AQP3: variants seen among roughly 807,000 people sequenced by gnomAD.
The protein encoded by AQP3 is aquaporin-3.
A neutral mutation model predicts 30.3 loss-of-function variants in AQP3; 15 were observed. That is an observed-to-expected ratio of 0.49 (90% CI 0.33 to 0.76). AQP3 has a LOEUF of 0.76. AQP3 is among the 30% of genes least tolerant of loss of function. AQP3 has a pLI of 0.02. For missense variants in AQP3, 272 were observed against 384.8 expected (o/e 0.71, Z 2.45); for synonymous variants, 153 against 163.2 (o/e 0.94, Z 0.47).
At chr9:33,444,360 T>G (rs1159107451) in intron 1 of AQP3, among the ~76,000 whole-genome samples, 2 of 151,854 alleles carry the variant, frequency 1.3e-5, no homozygotes, top group Non-Finnish European at 2.9e-5. Context: ...AGCACTTTGG[T>G]AGGCCGAGGT....
chr9:33,444,734 C>A (rs1382870470), intron 1 of AQP3, among the ~76,000 whole-genome samples: 1 of 152,016 alleles, frequency 6.6e-6, no homozygotes, highest in African/African-American at 2.4e-5. Context: ...GATGCCAGAG[C>A]CCCAGCCTTC....
intron 1 of AQP3, among the ~76,000 whole-genome samples, chr9:33,445,106 G>C (rs1393185762): frequency 6.6e-6 from 1 of 152,146 alleles, no homozygotes; most frequent in Non-Finnish European, 1.5e-5. Flanking sequence ...AGAACAGCCT[G>C]GGCAACATAG....
chr9:33,447,519 C>G lies in AQP3; in HGVS notation c.12G>C (p.Gln4His). MGR[Q>H]KELVSRCGEM... ...CCCCGCAGCGGGACACCAGCTCCTT[C>G]TGTCGACCCATGGCGGGGCAGGCGG... Residue 4 changes from glutamine to histidine, a missense_variant, in exon 1 of 6, where the codon CAG becomes CAC. Physicochemically the swap from Gln to His is conservative, Grantham distance 24. Coordinates refer to ENST00000297991, the MANE Select transcript of AQP3 (RefSeq NM_004925.5). 1 of 1,606,538 alleles carries G rather than the reference C, an allele frequency of 6.2e-7. No individual in the cohort carries two copies. The highest frequency in any genetic ancestry group is 8.5e-7 in the Non-Finnish European group (1 of 1,176,690).
chr9:33,444,033 T>G (rs942473537), intron 1 of AQP3, 141 bp from the exon 2 acceptor site: 2 of 1,074,266 alleles, frequency 1.9e-6, no homozygotes, highest in African/African-American at 1.6e-5. Context: ...AAACCCCTTC[T>G]GCTGTAATTG....
At chr9:33,445,715 C>G (rs968964616) in intron 1 of AQP3, among the ~76,000 whole-genome samples, 3 of 152,136 alleles carry the variant, frequency 2.0e-5, no homozygotes, top group African/African-American at 7.2e-5. Flanking sequence ...TCTCGGCCAG[C>G]ACCGCCCCCT....
At chr9:33,444,795 C>T (rs1278938084) in intron 1 of AQP3, among the ~76,000 whole-genome samples, 1 of 151,998 alleles carries the variant, frequency 6.6e-6, no homozygotes, top group Non-Finnish European at 1.5e-5. Flanking sequence ...CCTGTCCCAG[C>T]GTCTCCTCTC....
Position 33,443,407 on chromosome 9 carries a change from TCACGAGCCAGGAAG to T in AQP3, c.273_286del (p.Cys91Ter), listed in dbSNP as rs1326155172. 6.2e-7 allele frequency: 1 copy of T among 1,609,110 alleles called. No individual in the cohort carries two copies. Among genetic ancestry groups the T allele is most frequent in the Non-Finnish European group, 8.5e-7 (1 of 1,178,042 alleles). On this transcript the variant is annotated stop_gained and frameshift_variant, in exon 3 of 6. Transcript: ENST00000297991. LOFTEE classifies it high-confidence loss of function. This position sits in a 1 kb window ranked among gnomAD's most constrained non-coding sequence, Gnocchi z 5.0. ...GTAGATGGGCAGCTTGATCCAGGGC[TCACGAGCCAGGAAG>T]CACATGGCAAAGGTCACGGCAGGGT...
chr9:33,444,687 C>T (rs906424226), intron 1 of AQP3, among the ~76,000 whole-genome samples: 8 of 152,084 alleles, frequency 5.3e-5, no homozygotes, highest in African/African-American at 1.2e-4. Context: ...AGGGAGGAGA[C>T]CAGAAGTGAG....
Position 33,442,165 on chromosome 9 carries a change from C to T in AQP3, c.757G>A (p.Gly253Ser). Residue 253 changes from glycine (G) to serine (S), a missense_variant, in exon 6 of 6, where the codon GGC (glycine) becomes AGC (serine). Coordinates refer to ENST00000297991, the MANE Select transcript of AQP3 (RefSeq NM_004925.5). ...WWVPIVSPLLGSIAGVFVYQL... is the reference protein window; with the variant it reads ...WWVPIVSPLLSSIAGVFVYQL... ...TACACGAAGACACCCGCAATGGAGC[C>T]CAGGAGTGGGGACACGATGGGCACC... is the stretch of plus-strand genomic sequence containing the variant. 1 of 1,613,306 alleles carries T rather than the reference C, an allele frequency of 6.2e-7. No homozygotes were observed. Among genetic ancestry groups the T allele is most frequent in the Non-Finnish European group, 8.5e-7 (1 of 1,179,994 alleles).
In AQP3 at chr9:33,441,774, C is replaced by T. The variant is rs1005899521; in HGVS notation, c.*269G>A. On this transcript the variant is annotated 3_prime_UTR_variant, in exon 6 of 6. Coordinates refer to ENST00000297991, the MANE Select transcript of AQP3 (RefSeq NM_004925.5). ...GCACACACATGCACACACACACATA[C>T]CTGCTGCCCATTCTCTTCCCTTGGG... The T allele has an allele frequency of 1.2e-5, 7 of 594,878 alleles. No homozygotes were observed. Among genetic ancestry groups the T allele is most frequent in the Non-Finnish European group, 2.1e-5 (7 of 334,652 alleles). 36.8% of individuals were successfully genotyped at this position (594,878 alleles called of 1,614,324 possible). A position where few individuals can be genotyped will look rare whatever the true frequency, so the allele number is the denominator to read the frequency against.
intron 4 of AQP3, 70 bp from the exon 5 acceptor site, chr9:33,442,588 T>A (rs889170803): frequency 6.9e-7 from 1 of 1,452,962 alleles, no homozygotes; most frequent in African/African-American, 1.4e-5. Flanking sequence ...CCATCCCCCG[T>A]CTTCCCTCTA....
chr9:33,441,883 G>A lies in AQP3; in HGVS notation c.*160C>T. 1 of 1,229,602 alleles carries A rather than the reference G, an allele frequency of 8.1e-7. No homozygotes were observed. Among genetic ancestry groups the A allele is most frequent in the Non-Finnish European group, 1.1e-6 (1 of 881,796 alleles). 76.2% of individuals were successfully genotyped at this position (1,229,602 alleles called of 1,614,324 possible). ...TAAGGTGCTATTTGGGCAAGGTCCA[G>A]TGGAAATCCTGAAGGGGCTGTCTCG... On this transcript the variant is annotated 3_prime_UTR_variant, in exon 6 of 6. Transcript: ENST00000297991.
rs773138320 is a variant in AQP3 at position 33,441,712 on chromosome 9, C to CG, written c.*330_*331insC. 5.8e-6 allele frequency: 2 copies of CG among 346,812 alleles called. No individual in the cohort carries two copies. The highest frequency in any genetic ancestry group is 9.4e-6 in the Non-Finnish European group (2 of 213,474). The allele number at this position is 346,812 out of a possible 1,614,324, so 21.5% of individuals were successfully genotyped here. On this transcript the variant is annotated 3_prime_UTR_variant, in exon 6 of 6. Transcript: ENST00000297991. ...GCCCTGAATATCTGGGAACCCCCCC[C>CG]ACACACACACACCCCTGCACACACA... is the stretch of plus-strand genomic sequence containing the variant.
rs1394495007 is a variant in AQP3 at position 33,441,445 on chromosome 9, C to T, written c.*598G>A. ...CAGAGCTCCAAACCTAAGCTGTGGC[C>T]CCCTCCTCCCAGCCCTACCCACATC... On this transcript the variant is annotated 3_prime_UTR_variant, in exon 6 of 6. Transcript: ENST00000297991. 1 of 154,938 alleles carries T rather than the reference C, an allele frequency of 6.5e-6. No individual in the cohort carries two copies. The highest frequency in any genetic ancestry group is 2.4e-5 in the African/African-American group (1 of 41,466). The allele number at this position is 154,938 out of a possible 1,614,324, so 9.6% of individuals were successfully genotyped here.
In AQP3 at chr9:33,441,455, C is replaced by G. The variant is rs1191834212; in HGVS notation, c.*588G>C. The G allele has an allele frequency of 1.3e-5, 2 of 155,240 alleles. No homozygotes were observed. Among genetic ancestry groups the G allele is most frequent in the Non-Finnish European group, 2.9e-5 (2 of 69,606 alleles). 9.6% of individuals were successfully genotyped at this position (155,240 alleles called of 1,614,324 possible). A position where few individuals can be genotyped will look rare whatever the true frequency, so the allele number is the denominator to read the frequency against. On this transcript the variant is annotated 3_prime_UTR_variant, in exon 6 of 6. Coordinates refer to ENST00000297991, the MANE Select transcript of AQP3 (RefSeq NM_004925.5). ...AACCTAAGCTGTGGCCCCCTCCTCC[C>G]AGCCCTACCCACATCCACCCTACTT...
chr9:33,442,912 G>A lies in AQP3; in HGVS notation c.432C>T (p.Ala144=), dbSNP rs547088243. The part of the protein sequence containing the change: ...QLFVSGPNGT[A]GIFATYPSGH... ...CAGAGGGGTAGGTAGCAAAGATGCC[G>A]GCTGTGCCATTGGGGCCCGAAACAA... is the stretch of plus-strand genomic sequence containing the variant. Residue 144 remains alanine, a synonymous_variant, in exon 4 of 6, where the codon GCC becomes GCT. Transcript: ENST00000297991. The A allele has an allele frequency of 3.0e-5, 48 of 1,614,212 alleles. No individual in the cohort carries two copies. The Middle Eastern group carries it at 4.9e-4, about 17-fold the overall frequency.
chr9:33,444,599 CAAA>C (rs34738732), intron 1 of AQP3, among the ~76,000 whole-genome samples: 11 of 113,192 alleles, frequency 9.7e-5, no homozygotes, highest in Non-Finnish European at 9.1e-5. Flanking sequence ...GACTCCATCT[CAAA>C]AAAAAAAAAA....
rs1826879967 is a variant in AQP3 at position 33,443,982 on chromosome 9, C to T, written c.109-90G>A. ...TGAAGCCAGCAACATGCCCACTCGC[C>T]ACCACTGGGAGGACTAGAGGCGCTT... On this transcript the variant is annotated intron_variant, in intron 1 of 5. Transcript: ENST00000297991. This position sits in a 1 kb window ranked among gnomAD's most constrained non-coding sequence, Gnocchi z 5.0. The T allele has an allele frequency of 6.6e-7, 1 of 1,514,902 alleles. No homozygotes were observed. The highest frequency in any genetic ancestry group is 9.0e-7 in the Non-Finnish European group (1 of 1,115,206). The allele number at this position is 1,514,902 out of a possible 1,614,324, so 93.8% of individuals were successfully genotyped here.
intron 1 of AQP3, among the ~76,000 whole-genome samples, chr9:33,446,147 T>C (rs1337767470): frequency 6.6e-6 from 1 of 152,162 alleles, no homozygotes; most frequent in Non-Finnish European, 1.5e-5. Flanking sequence ...AGGACTCCGA[T>C]AGGAGTGAGG....
Sources: gnomAD v4.1 joint callset for allele counts (sites outside exome capture counted in the v4.1 genomes callset) on GRCh38, gnomAD v4.1.1 for gene constraint, Gnocchi (gnomAD v3.1) non-coding constraint, MANE v1.5 for transcripts, NCBI Gene and HGNC (gene_info 2026-07-23, HGNC 2026-07-21) for gene names.